MGAT4B: variants seen among roughly 807,000 people sequenced by gnomAD.
MGAT4B encodes N-acetylglucosaminyltransferase IVb.
A neutral mutation model predicts 73.9 loss-of-function variants in MGAT4B; 38 were observed. The ratio of observed to expected loss-of-function variants is 0.51; its 90% CI spans 0.40 to 0.67. The LOEUF (loss-of-function observed/expected upper bound fraction) is 0.67, where lower values mean the gene tolerates loss of function less well. MGAT4B is among the 30% of genes least tolerant of loss of function. MGAT4B has a pLI of 0.00. For synonymous variants in MGAT4B, 373 were observed against 313.5 expected, an observed-to-expected ratio of 1.19 and a Z score of -2.01; for missense variants, 686 against 735.2, an observed-to-expected ratio of 0.93 and a Z score of 0.77.
chr5:179,806,533 G>C lies in MGAT4B; in HGVS notation c.51C>G (p.Cys17Trp). ...CGTACCAGGACAGCGAGAGGAAGGCGCACAGGCAGAAGAGCAGCAGCGTCA... is the reference window on the plus strand; with the variant it reads ...CGTACCAGGACAGCGAGAGGAAGGCCCACAGGCAGAAGAGCAGCAGCGTCA... Reference protein sequence around the residue: ...TFLTLLLFCLCAFLSLSWYAA... With the variant: ...TFLTLLLFCLWAFLSLSWYAA... The change falls in exon 1 of 15, where the codon TGC becomes TGG. Residue 17 changes from cysteine to tryptophan, a missense_variant. Transcript: ENST00000292591. The surrounding 1 kb of genome is among the most constrained non-coding windows in gnomAD (Gnocchi z 4.6). 1.5e-6 allele frequency: 2 copies of C among 1,338,530 alleles called. No homozygotes were observed. The highest frequency in any genetic ancestry group is 8.5e-5 in the East Asian group (2 of 23,456). 82.9% of individuals were successfully genotyped at this position (1,338,530 alleles called of 1,614,324 possible).
At chr5:179,799,471 C>A (rs1756810793) in intron 9 of MGAT4B, 35 bp downstream of exon 9, 1 of 1,612,448 alleles carries the variant, frequency 6.2e-7, no homozygotes, top group Non-Finnish European at 8.5e-7. Flanking sequence ...TGCCCCTTGG[C>A]CCTGCCCCTG....
intron 1 of MGAT4B, among the ~76,000 whole-genome samples, chr5:179,804,101 C>T (rs1468542484): frequency 6.6e-6 from 1 of 152,244 alleles, no homozygotes; most frequent in East Asian, 1.9e-4. Flanking sequence ...GTCACCCTCC[C>T]CTGGAGGCGA....
At chr5:179,800,636 G>A (rs1299150266) in intron 5 of MGAT4B, 39 bp from the exon 6 acceptor site, 1 of 1,390,120 alleles carries the variant, frequency 7.2e-7, no homozygotes, top group Non-Finnish European at 1.0e-6. Context: ...GCAGCCTCCA[G>A]GGGCTGAGAG....
rs1415865245 is a variant in MGAT4B, at chr5:179,800,424, G to A, written c.719+60C>T. The A allele has an allele frequency of 1.1e-5, 16 of 1,426,296 alleles. 1 individual carries two copies. The highest frequency in any genetic ancestry group is 1.6e-5 in the Non-Finnish European group (16 of 1,020,392). The allele number at this position is 1,426,296 out of a possible 1,614,324, so 88.4% of individuals were successfully genotyped here. On this transcript the variant is annotated intron_variant, in intron 6 of 14. Coordinates refer to ENST00000292591, the MANE Select transcript of MGAT4B (RefSeq NM_014275.5). Reference sequence around the variant, plus strand: ...GGAAACACCCTGGACTCAAACACCAGTAGATGGGTTCTCAGCACAGGCAGG... The same window carrying A: ...GGAAACACCCTGGACTCAAACACCAATAGATGGGTTCTCAGCACAGGCAGG...
rs562781154 is a variant in MGAT4B at position 179,802,367 on chromosome 5, G to A, written c.98-398C>T. On this transcript the variant is annotated intron_variant, in intron 1 of 14. Coordinates refer to ENST00000292591, the MANE Select transcript of MGAT4B (RefSeq NM_014275.5). ...TTTGCAGCACACGCTCCCTCCAGCG[G>A]GTGGGCTACCCAAGGTCCTGGTGCT... 28 of 1,283,214 alleles carry A rather than the reference G, an allele frequency of 2.2e-5. No homozygotes were observed. The African/African-American group carries it at 4.2e-4, about 19-fold the overall frequency. The allele number at this position is 1,283,214 out of a possible 1,614,324, so 79.5% of individuals were successfully genotyped here. A position where few individuals can be genotyped will look rare whatever the true frequency, so the allele number is the denominator to read the frequency against.
Position 179,801,290 on chromosome 5 carries a change from G to A in MGAT4B, c.558+44C>T, listed in dbSNP as rs1005725860. The A allele has an allele frequency of 1.3e-6, 2 of 1,575,794 alleles. No individual in the cohort carries two copies. Among genetic ancestry groups the A allele is most frequent in the African/African-American group, 1.4e-5 (1 of 74,016 alleles). ...CCTGCTGTCAGTTCTGCACCGCGGG[G>A]GCTCCTCTGAATGTCCCCCAACCCC... On this transcript the variant is annotated intron_variant, in intron 4 of 14. Transcript: ENST00000292591. The surrounding 1 kb of genome is among the most constrained non-coding windows in gnomAD (Gnocchi z 4.8).
rs560409925 is a variant in MGAT4B at position 179,803,023 on chromosome 5, C to T, written c.98-1054G>A. On this transcript the variant is annotated intron_variant, in intron 1 of 14. Coordinates refer to ENST00000292591, the MANE Select transcript of MGAT4B (RefSeq NM_014275.5). The stretch of plus-strand genomic sequence containing the variant: ...GTTGCGTGGGATGGCCTCACCCCAC[C>T]AGCAGCCCTGTGCATGATCAAGGTC... The T allele has an allele frequency of 1.0e-5, 10 of 985,510 alleles. No individual in the cohort carries two copies. The African/African-American group carries it at 1.6e-4, about 15-fold the overall frequency. 61.0% of individuals were successfully genotyped at this position (985,510 alleles called of 1,614,324 possible).
Position 179,801,654 on chromosome 5 carries a change from G to T in MGAT4B, c.324C>A (p.His108Gln). ...GGAAGACGGTGGGCAGGTGCAGCACGTGCCGGTGTGAGCCGTTCCACGGCT... is the reference window on the plus strand; with the variant it reads ...GGAAGACGGTGGGCAGGTGCAGCACTTGCCGGTGTGAGCCGTTCCACGGCT... Reference protein sequence around the residue: ...RLKPWNGSHRHVLHLPTVFHH... With the variant: ...RLKPWNGSHRQVLHLPTVFHH... The change falls in exon 3 of 15, where the codon CAC (histidine) becomes CAA (glutamine). Residue 108 changes from histidine to glutamine, a missense_variant. By Grantham distance (24) the His-to-Gln change is conservative. This residue lies in a region of MGAT4B where 237 missense variants were observed against 198.5 expected (regional missense o/e 1.19). Transcript: ENST00000292591. This position sits in a 1 kb window ranked among gnomAD's most constrained non-coding sequence, Gnocchi z 4.8. 2 of 1,606,650 alleles carry T rather than the reference G, an allele frequency of 1.2e-6. No individual in the cohort carries two copies. The highest frequency in any genetic ancestry group is 1.1e-5 in the South Asian group (1 of 89,688).
In MGAT4B at chr5:179,799,187, G is replaced by C. The variant is rs370254588; in HGVS notation, c.1149+16C>G. On this transcript the variant is annotated intron_variant, in intron 10 of 14. Coordinates refer to ENST00000292591, the MANE Select transcript of MGAT4B (RefSeq NM_014275.5). ...ACCTTGATCCCGGCCTAGGGAGAGCGTGCAGTGCAGCCCACCTTCAGTTTC... is the reference window on the plus strand; with the variant it reads ...ACCTTGATCCCGGCCTAGGGAGAGCCTGCAGTGCAGCCCACCTTCAGTTTC... 1 of 1,613,924 alleles carries C rather than the reference G, an allele frequency of 6.2e-7. No homozygotes were observed. Among genetic ancestry groups the C allele is most frequent in the South Asian group, 1.1e-5 (1 of 91,090 alleles).
At chr5:179,803,307 G>C in intron 1 of MGAT4B, 3 of 980,642 alleles carry the variant, frequency 3.1e-6, no homozygotes, top group Non-Finnish European at 3.6e-6. Flanking sequence ...GGAGGGAAAG[G>C]GGAGTCAGAT....
In MGAT4B at chr5:179,798,261, T is replaced by C. The variant is rs1252571394; in HGVS notation, c.1527A>G (p.Gly509=). The C allele has an allele frequency of 6.2e-7, 1 of 1,611,812 alleles. No individual in the cohort carries two copies. Among genetic ancestry groups the C allele is most frequent in the African/African-American group, 1.3e-5 (1 of 74,910 alleles). ...GYLQIGSFYK[G]VAEGEVDPAF... is the part of the protein sequence containing the mutation. ...CTGGGTCCACCTCTCCCTCTGCCAC[T>C]CCCTTGTAGAAGGAGCCTGTGGGAG... Residue 509 remains glycine (G), a synonymous_variant, in exon 14 of 15, where the codon GGA becomes GGG. Transcript: ENST00000292591.
chr5:179,799,839 C>T, intron 8 of MGAT4B, 115 bp downstream of exon 8: 1 of 1,265,904 alleles, frequency 7.9e-7, no homozygotes, highest in South Asian at 1.3e-5. Context: ...GTAGCACGCA[C>T]ACCAGGCAGG....
rs748347624 is a variant in MGAT4B at position 179,802,202 on chromosome 5, G to A, written c.98-233C>T. The A allele has an allele frequency of 3.4e-6, 5 of 1,480,626 alleles. No individual in the cohort carries two copies. The African/African-American group carries it at 7.0e-5, about 21-fold the overall frequency. 91.7% of individuals were successfully genotyped at this position (1,480,626 alleles called of 1,614,324 possible). On this transcript the variant is annotated intron_variant, in intron 1 of 14. Coordinates refer to ENST00000292591, the MANE Select transcript of MGAT4B (RefSeq NM_014275.5). ...CCTCTTCCAGTACTCTCCCCCACCGGGGGTTATTTTATCCTCTGAGAAGGC... is the reference window on the plus strand; with the variant it reads ...CCTCTTCCAGTACTCTCCCCCACCGAGGGTTATTTTATCCTCTGAGAAGGC...
Position 179,802,414 on chromosome 5 carries a change from C to T in MGAT4B, c.98-445G>A, listed in dbSNP as rs974836961. 44 of 1,141,754 alleles carry T rather than the reference C, an allele frequency of 3.9e-5. No individual in the cohort carries two copies. In the South Asian group the frequency reaches 8.4e-4, roughly 22 times the overall value. 70.7% of individuals were successfully genotyped at this position (1,141,754 alleles called of 1,614,324 possible). A position where few individuals can be genotyped will look rare whatever the true frequency, so the allele number is the denominator to read the frequency against. On this transcript the variant is annotated intron_variant, in intron 1 of 14. Coordinates refer to ENST00000292591, the MANE Select transcript of MGAT4B (RefSeq NM_014275.5). ...TGCTAGCTCTTCACTGTCCTTGTAG[C>T]GGTCGCTGGTTGCTCACCCTGCACT...
At chr5:179,802,530 G>C (rs1756989452) in intron 1 of MGAT4B, 3 of 1,002,752 alleles carry the variant, frequency 3.0e-6, no homozygotes, top group Non-Finnish European at 3.6e-6. Flanking sequence ...AAATGAGGTT[G>C]AGAAACCGGC....
At chr5:179,802,410 G>A (rs1488817870) in intron 1 of MGAT4B, 2 of 1,157,380 alleles carry the variant, frequency 1.7e-6, no homozygotes, top group African/African-American at 1.6e-5. Context: ...CACTGTCCTT[G>A]TAGCGGTCGC....
chr5:179,804,715 T>G (rs776444749), intron 1 of MGAT4B, among the ~76,000 whole-genome samples: 1 of 152,144 alleles, frequency 6.6e-6, no homozygotes, highest in Non-Finnish European at 1.5e-5. Flanking sequence ...GGACCCCCGC[T>G]GGCTGCAAAG....
rs555341338 is a variant in MGAT4B, at chr5:179,800,361, T to A, written c.720-102A>T. The A allele has an allele frequency of 1.2e-5, 17 of 1,472,304 alleles. No individual in the cohort carries two copies. In the African/African-American group the frequency reaches 2.2e-4, roughly 19 times the overall value. 91.2% of individuals were successfully genotyped at this position (1,472,304 alleles called of 1,614,324 possible). A position where few individuals can be genotyped will look rare whatever the true frequency, so the allele number is the denominator to read the frequency against. On this transcript the variant is annotated intron_variant, in intron 6 of 14. Transcript: ENST00000292591. ...GGCAGCTTCTGTCCCCCCACCCCCA[T>A]GCACGGGTCCTCCCATGGAGAATTC...
At chr5:179,805,976 G>GCCTCCCTCCCTC (rs76500766) in intron 1 of MGAT4B, among the ~76,000 whole-genome samples, 1 of 148,018 alleles carries the variant, frequency 6.8e-6, no homozygotes, top group Non-Finnish European at 1.5e-5. Context: ...GCCTCAGGAC[G>GCCTCCCTCCCTC]CCTCCCTCCC....
Sources: gnomAD v4.1 joint callset for allele counts (sites outside exome capture counted in the v4.1 genomes callset) on GRCh38, gnomAD v4.1.1 for gene constraint, gnomAD v4.1.1 regional missense constraint, Gnocchi (gnomAD v3.1) non-coding constraint, MANE v1.5 for transcripts, NCBI Gene and HGNC (gene_info 2026-07-23, HGNC 2026-07-21) for gene names.